Variants in CLVS1 observed in about 807,000 individuals in gnomAD.
CLVS1 encodes clavesin 1.
Under a neutral mutation model 33.1 loss-of-function variants are expected in CLVS1, and 10 were observed. The observed-to-expected ratio is 0.30, with a 90% CI of 0.19 to 0.51. The LOEUF (loss-of-function observed/expected upper bound fraction) is 0.51. Ranked by LOEUF, CLVS1 falls within the 20% of genes least tolerant of loss-of-function variation. The pLI is 0.97. For synonymous variants in CLVS1, 163 were observed against 166.1 expected (o/e 0.98, Z 0.14); for missense variants, 343 against 433.4 (o/e 0.79, Z 1.85).
chr8:61,022,971 T>G, the CLVS1 span, among the ~76,000 whole-genome samples: 24 of 152,260 alleles, frequency 1.6e-4, no homozygotes, highest in African/African-American at 5.8e-4. Flanking sequence ...AAAGGACTTT[T>G]TATAGCTGCT....
the CLVS1 span, among the ~76,000 whole-genome samples, chr8:61,045,554 G>A: frequency 8.5e-5 from 13 of 152,296 alleles, no homozygotes; most frequent in African/African-American, 2.4e-4. Context: ...TCTTGAGTAC[G>A]GCACCCCAAG....
At chr8:61,083,719 T>C (rs1805068169) in intron 1 of CLVS1, among the ~76,000 whole-genome samples, 1 of 151,584 alleles carries the variant, frequency 6.6e-6, no homozygotes, top group East Asian at 1.9e-4. Flanking sequence ...AGTATATAGA[T>C]CTATGAAACC....
rs181299002 is a variant in CLVS1, at chr8:61,282,130, A to G, written c.-151-17547A>G. 1.1e-3 allele frequency among the ~76,000 whole-genome samples: 161 copies of G among 152,358 alleles called. 4 individuals are homozygous for G. The highest frequency in any genetic ancestry group is 8.8e-3 in the Admixed American group (134 of 15,308). ...GCTGCCTATGAAAGCATCTTAACTG[A>G]GCGGACTACTCTTCACCTGATAATG... On this transcript the variant is annotated intron_variant, in intron 2 of 2. Transcript: ENST00000522621.
chr8:61,440,298 C>T lies in CLVS1; in HGVS notation c.631-13843C>T, dbSNP rs143383530. 2.7e-3 allele frequency among the ~76,000 whole-genome samples: 407 copies of T among 152,320 alleles called. 4 individuals carry two copies. The highest frequency in any genetic ancestry group is 0.024 in the Middle Eastern group (7 of 294). On this transcript the variant is annotated intron_variant, in intron 3 of 5. Coordinates refer to ENST00000325897, the MANE Select transcript of CLVS1 (RefSeq NM_173519.3). ...ACATGAGACAACACATATAAAAGTGCTTAGCACAGTTCCTGATGCATACTA... is the reference window on the plus strand; with the variant it reads ...ACATGAGACAACACATATAAAAGTGTTTAGCACAGTTCCTGATGCATACTA...
chr8:61,038,314 A>G, the CLVS1 span, among the ~76,000 whole-genome samples: 1 of 151,970 alleles, frequency 6.6e-6, no homozygotes, highest in Admixed American at 6.6e-5. Context: ...ATAACAAAAA[A>G]TCTTTGCTGG....
Position 61,287,994 on chromosome 8 carries a change from T to G in CLVS1, c.-296T>G. 1 of 414,542 alleles carries G rather than the reference T, an allele frequency of 2.4e-6. No homozygotes were observed. The highest frequency in any genetic ancestry group is 4.9e-6 in the Non-Finnish European group (1 of 206,172). The allele number at this position is 414,542 out of a possible 1,614,324, so 25.7% of individuals were successfully genotyped here. A position where few individuals can be genotyped will look rare whatever the true frequency, so the allele number is the denominator to read the frequency against. ...CGCCTCCTACCAAAATCACAGCCCC[T>G]TGTGGAGCCCGAGCTCTCATTCACA... On this transcript the variant is annotated 5_prime_UTR_variant, in exon 1 of 6. Transcript: ENST00000325897.
In CLVS1 at chr8:61,279,275, G is replaced by A. The variant is rs186013758; in HGVS notation, c.-151-20402G>A. On this transcript the variant is annotated intron_variant, in intron 2 of 2. Transcript: ENST00000522621. Reference sequence around the variant, plus strand: ...CTCCAGCTTCCCATCAGGCAGTGAGGCGAAGGCCATTCTTGGCCAGAGGTG... The same window carrying A: ...CTCCAGCTTCCCATCAGGCAGTGAGACGAAGGCCATTCTTGGCCAGAGGTG... Among the ~76,000 whole-genome samples the A allele has an allele frequency of 1.1e-3, 162 of 152,268 alleles. 4 individuals are homozygous for A. Among genetic ancestry groups the A allele is most frequent in the Admixed American group, 8.8e-3 (135 of 15,294 alleles).
chr8:61,104,028 T>A (rs1189581864), intron 1 of CLVS1, among the ~76,000 whole-genome samples: 1 of 152,244 alleles, frequency 6.6e-6, no homozygotes, highest in African/African-American at 2.4e-5. Flanking sequence ...CTGATACTTT[T>A]ATCTGTTGTT....
the CLVS1 span, among the ~76,000 whole-genome samples, chr8:61,043,557 G>A: frequency 6.6e-6 from 1 of 152,196 alleles, no homozygotes; most frequent in South Asian, 2.1e-4. Context: ...TCAAGTATGG[G>A]GGATGCAGTT....
chr8:61,128,799 A>G (rs1351247330), intron 1 of CLVS1, among the ~76,000 whole-genome samples: 1 of 152,156 alleles, frequency 6.6e-6, no homozygotes, highest in Non-Finnish European at 1.5e-5. Flanking sequence ...CACTTCTTAT[A>G]TCAAGGCTCT....
intron 2 of CLVS1, among the ~76,000 whole-genome samples, chr8:61,134,549 T>C (rs1482031470): frequency 2.0e-5 from 3 of 152,244 alleles, no homozygotes; most frequent in Non-Finnish European, 4.4e-5. Flanking sequence ...CAGCAGGGCC[T>C]TTCTGGAGGC....
At chr8:61,350,045 A>G (rs1416410151) in intron 2 of CLVS1, among the ~76,000 whole-genome samples, 1 of 152,164 alleles carries the variant, frequency 6.6e-6, no homozygotes, top group Non-Finnish European at 1.5e-5. Flanking sequence ...ATTAAACCAT[A>G]GCATTAATAT....
the CLVS1 span, among the ~76,000 whole-genome samples, chr8:61,028,713 T>C: frequency 6.6e-6 from 1 of 152,194 alleles, no homozygotes. Flanking sequence ...ACAGTCTCCT[T>C]AGCAAACTGT....
At chr8:60,966,199 A>G in the CLVS1 span, 1 of 334,524 alleles carries the variant, frequency 3.0e-6, no homozygotes, top group Admixed American at 4.0e-5. Context: ...GTGAATGAAA[A>G]CAGCTGTCTG....
intron 2 of CLVS1, among the ~76,000 whole-genome samples, chr8:61,363,828 AAG>A (rs1737459754): frequency 6.6e-6 from 1 of 152,176 alleles, no homozygotes; most frequent in African/African-American, 2.4e-5. Context: ...CTGGTTTATG[AAG>A]AGAGTCAGGG....
intron 2 of CLVS1, among the ~76,000 whole-genome samples, chr8:61,232,023 G>GTTTGTTTGTTTTTTTTTTTT: frequency 9.6e-5 from 6 of 62,626 alleles, no homozygotes; most frequent in African/African-American, 2.4e-4. Flanking sequence ...GAAAGTTGTG[G>GTTTGTTTGTTTTTTTTTTTT]TTTTTTTTTT....
rs186485194 is a variant in CLVS1 at position 61,204,193 on chromosome 8, T to G, written c.-152+72333T>G. 8.8e-4 allele frequency among the ~76,000 whole-genome samples: 134 copies of G among 152,312 alleles called. 1 individual carries two copies. The highest frequency in any genetic ancestry group is 3.1e-3 in the Admixed American group (48 of 15,302). On this transcript the variant is annotated intron_variant, in intron 2 of 2. Transcript: ENST00000522621. ...TAACCTGATCATAGGTGGAAGAGCT[T>G]TGCACAGAGACCTATAATGACTGAA...
chr8:61,277,303 G>A, intron 2 of CLVS1, among the ~76,000 whole-genome samples: 1 of 152,198 alleles, frequency 6.6e-6, no homozygotes, highest in African/African-American at 2.4e-5. Context: ...GGACCAGGAT[G>A]CAAGGATCTT....
chr8:61,052,281 C>T (rs1207862711), upstream of CLVS1, among the ~76,000 whole-genome samples: 1 of 152,204 alleles, frequency 6.6e-6, no homozygotes, highest in Non-Finnish European at 1.5e-5. Flanking sequence ...TAAGCTAAAA[C>T]ATTTTGAAAA....
Sources: gnomAD v4.1 joint callset for allele counts (sites outside exome capture counted in the v4.1 genomes callset) on GRCh38, gnomAD v4.1.1 for gene constraint, MANE v1.5 for transcripts, NCBI Gene and HGNC (gene_info 2026-07-23, HGNC 2026-07-21) for gene names.